The following OSMR variants were observed in gnomAD, a reference collection of about 807,000 sequenced individuals.
OSMR encodes oncostatin-M-specific receptor subunit beta.
Under a neutral mutation model 99.9 loss-of-function variants are expected in OSMR, and 81 were observed. That is an observed-to-expected ratio of 0.81 (90% CI 0.68 to 0.97). The LOEUF (loss-of-function observed/expected upper bound fraction) is 0.97, where lower values mean the gene tolerates loss of function less well. Among genes scored for constraint, OSMR ranks in the 50% least tolerant of loss-of-function variants. The probability of loss-of-function intolerance (pLI) is 0.00; values close to 1 mark genes in which losing one functional copy is unlikely to be tolerated. For synonymous variants in OSMR, 406 were observed against 410.4 expected (o/e 0.99, Z 0.13); for missense variants, 1,099 against 1,153.4 (o/e 0.95, Z 0.68).
intron 8 of OSMR, 108 bp from the exon 9 acceptor site, chr5:38,904,245 G>A (rs761907022): frequency 1.1e-4 from 175 of 1,544,838 alleles, no homozygotes; most frequent in Non-Finnish European, 1.4e-4. Flanking sequence ...CTTACTCCAG[G>A]TCAGGATTTG....
intron 9 of OSMR, among the ~76,000 whole-genome samples, chr5:38,907,642 T>C (rs1745329714): frequency 6.6e-6 from 1 of 152,158 alleles, no homozygotes; most frequent in Admixed American, 6.5e-5. Context: ...GATGCCCAAC[T>C]ATGGTGCTTC....
At chr5:38,910,437 C>G (rs900974749) in intron 9 of OSMR, among the ~76,000 whole-genome samples, 4 of 152,132 alleles carry the variant, frequency 2.6e-5, no homozygotes, top group Non-Finnish European at 5.9e-5. Context: ...GGCATATACT[C>G]TAAAACTGAC....
chr5:38,895,881 T>G (rs930151810), intron 7 of OSMR, among the ~76,000 whole-genome samples: 1 of 152,078 alleles, frequency 6.6e-6, no homozygotes, highest in African/African-American at 2.4e-5. Context: ...ATATCCAGTT[T>G]TCCCAGCACT....
chr5:38,881,485 G>C (rs1362543892), intron 3 of OSMR, 108 bp from the exon 4 acceptor site: 1 of 1,602,348 alleles, frequency 6.2e-7, no homozygotes, highest in African/African-American at 1.3e-5. Flanking sequence ...GGCACATATC[G>C]TGGACCTGCA....
chr5:38,902,600 C>T (rs182517937), intron 7 of OSMR, among the ~76,000 whole-genome samples: 18 of 152,310 alleles, frequency 1.2e-4, no homozygotes, highest in South Asian at 2.1e-4. Context: ...CAGTGCCCTT[C>T]GGTAAGCACC....
In OSMR at chr5:38,935,520, A is replaced by G. The variant is rs924883577; in HGVS notation, c.*2076A>G. On this transcript the variant is annotated 3_prime_UTR_variant, in exon 18 of 18. Transcript: ENST00000274276. Reference sequence around the variant, plus strand: ...TTGAAACTTGTTCATAAAAATGTCAATGACATTGATGACTGATTTGTACAT... The same window carrying G: ...TTGAAACTTGTTCATAAAAATGTCAGTGACATTGATGACTGATTTGTACAT... The G allele has an allele frequency of 6.6e-6, 1 of 152,236 alleles. No individual in the cohort carries two copies. Among genetic ancestry groups the G allele is most frequent in the African/African-American group, 2.4e-5 (1 of 41,454 alleles). 9.4% of individuals were successfully genotyped at this position (152,236 alleles called of 1,614,324 possible).
intron 2 of OSMR, chr5:38,944,558 T>C (rs1747959372): frequency 1.3e-6 from 2 of 1,599,834 alleles, no homozygotes; most frequent in Non-Finnish European, 1.7e-6. Context: ...TCATCTGGAA[T>C]TGTTTTAACA....
At position 38,898,928 on chromosome 5, in the gene OSMR, G is replaced by C. The variant is rs1484651402; in HGVS notation, c.992-4954G>C. On this transcript the variant is annotated intron_variant, in intron 7 of 17. Coordinates refer to ENST00000274276, the MANE Select transcript of OSMR (RefSeq NM_003999.3). ...TTGTCTCTCTACTTTTTAACTTTTT[G>C]TTGTTTCTATTTACATAATATCTTT... 1.1e-4 allele frequency among the ~76,000 whole-genome samples: 10 copies of C among 94,574 alleles called. No homozygotes were observed. The South Asian group carries it at 4.2e-3, about 40-fold the overall frequency. 62.0% of individuals were successfully genotyped at this position (94,574 alleles called of 152,430 possible).
chr5:38,875,593 T>C (rs1742752969), intron 2 of OSMR, among the ~76,000 whole-genome samples: 1 of 152,254 alleles, frequency 6.6e-6, no homozygotes, highest in Non-Finnish European at 1.5e-5. Flanking sequence ...TCATATGAGT[T>C]CATCATGTCT....
At chr5:38,851,703 A>G (rs147547457) in intron 1 of OSMR, among the ~76,000 whole-genome samples, 1 of 152,240 alleles carries the variant, frequency 6.6e-6, no homozygotes, top group East Asian at 1.9e-4. Flanking sequence ...CTGTTTTGAA[A>G]CTGACTTATT....
rs759772281 is a variant in OSMR at position 38,876,264 on chromosome 5, A to G, written c.137A>G (p.Gln46Arg). Residue 46 changes from glutamine (Q) to arginine (R), a missense_variant, in exon 3 of 18, where the codon CAG (glutamine) becomes CGG (arginine). Gln to Arg is a conservative substitution (Grantham distance 43, BLOSUM62 1). Coordinates refer to ENST00000274276, the MANE Select transcript of OSMR (RefSeq NM_003999.3). ...AAAGTTTCCACCAATTCTACGCGTCAGAGTTTGCACTTACAATGGACTGTC... is the reference window on the plus strand; with the variant it reads ...AAAGTTTCCACCAATTCTACGCGTCGGAGTTTGCACTTACAATGGACTGTC... Reference protein sequence around the residue: ...SLKVSTNSTRQSLHLQWTVHN... With the variant: ...SLKVSTNSTRRSLHLQWTVHN... 2 of 1,613,814 alleles carry G rather than the reference A, an allele frequency of 1.2e-6. No individual in the cohort carries two copies. The highest frequency in any genetic ancestry group is 3.3e-5 in the Admixed American group (2 of 60,008).
At chr5:38,904,196 GGGCC>G (rs1745071643) in intron 8 of OSMR, 153 bp from the exon 9 acceptor site, 45 of 984,788 alleles carry the variant, frequency 4.6e-5, no homozygotes, top group Non-Finnish European at 5.4e-5. Flanking sequence ...GTTAGGAAAT[GGGCC>G]TTGAAGATTT....
chr5:38,898,075 A>G (rs1387896297), intron 7 of OSMR, among the ~76,000 whole-genome samples: 3 of 152,206 alleles, frequency 2.0e-5, no homozygotes, highest in Non-Finnish European at 4.4e-5. Flanking sequence ...TGTATTCTGC[A>G]GCCATTGTAC....
chr5:38,903,396 G>A (rs921682552), intron 7 of OSMR, among the ~76,000 whole-genome samples: 1 of 152,186 alleles, frequency 6.6e-6, no homozygotes, highest in Non-Finnish European at 1.5e-5. Context: ...CACATGACTC[G>A]CTGCACTAAA....
intron 2 of OSMR, among the ~76,000 whole-genome samples, chr5:38,873,084 C>T (rs1396541123): frequency 6.6e-6 from 1 of 152,240 alleles, no homozygotes; most frequent in Non-Finnish European, 1.5e-5. Flanking sequence ...ACTGCTTAAG[C>T]AGTTAGTCTT....
chr5:38,885,615 A>G, intron 6 of OSMR, 131 bp downstream of exon 6: 1 of 1,246,462 alleles, frequency 8.0e-7, no homozygotes, highest in Non-Finnish European at 1.2e-6. Flanking sequence ...TGCCAAGGTC[A>G]AGAGGAAACC....
intron 1 of OSMR, among the ~76,000 whole-genome samples, chr5:38,855,534 C>G (rs77530143): frequency 0.029 from 4,428 of 152,268 alleles, 105 homozygotes; most frequent in South Asian, 0.057. Flanking sequence ...CTGGTCAAAA[C>G]TGTTGTAGCC....
chr5:38,903,901 T>C lies in OSMR; in HGVS notation c.1011T>C (p.Phe337=), dbSNP rs749650127. Residue 337 remains phenylalanine, a synonymous_variant, in exon 8 of 18, where the codon TTT becomes TTC. Transcript: ENST00000274276. ...LTHRVYLMNP[F]SVNFENVNAT... is the part of the protein sequence containing the mutation. Reference sequence around the variant, plus strand: ...TGACAGTTTATTTAATGAATCCTTTTAGTGTCAACTTTGAAAATGTAAATG... The same window carrying C: ...TGACAGTTTATTTAATGAATCCTTTCAGTGTCAACTTTGAAAATGTAAATG... The C allele has an allele frequency of 1.2e-6, 2 of 1,613,216 alleles. No homozygotes were observed. Among genetic ancestry groups the C allele is most frequent in the South Asian group, 1.1e-5 (1 of 90,686 alleles).
rs1443889780 is a variant in OSMR at position 38,942,744 on chromosome 5, C to T, written c.75-1457C>T. The T allele has an allele frequency of 6.4e-6, 7 of 1,091,436 alleles. No individual in the cohort carries two copies. In the East Asian group the frequency reaches 1.5e-4, roughly 23 times the overall value. 67.6% of individuals were successfully genotyped at this position (1,091,436 alleles called of 1,614,324 possible). ...GTGCTGGGATTGTAGGCATGAGTCACCACACCCAGCTATAATCTGTATTTT... is the reference window on the plus strand; with the variant it reads ...GTGCTGGGATTGTAGGCATGAGTCATCACACCCAGCTATAATCTGTATTTT... On this transcript the variant is annotated intron_variant and NMD_transcript_variant, in intron 1 of 2. Transcript: ENST00000508882.
Sources: gnomAD v4.1 joint callset for allele counts (sites outside exome capture counted in the v4.1 genomes callset) on GRCh38, gnomAD v4.1.1 for gene constraint, MANE v1.5 for transcripts, NCBI Gene and HGNC (gene_info 2026-07-23, HGNC 2026-07-21) for gene names.